HYCC1: variants seen among roughly 807,000 people sequenced by gnomAD.
HYCC1 encodes the protein hyccin.
the HYCC1 span, among the ~76,000 whole-genome samples, chr7:23,012,099 G>A: frequency 6.6e-6 from 1 of 152,098 alleles, no homozygotes; most frequent in African/African-American, 2.4e-5. Flanking sequence ...GCCTGGAAGA[G>A]TGAAAAAATA....
At chr7:22,921,089 T>C in the HYCC1 span, among the ~76,000 whole-genome samples, 1 of 152,234 alleles carries the variant, frequency 6.6e-6, no homozygotes, top group Non-Finnish European at 1.5e-5. Flanking sequence ...GTGAGCCAAT[T>C]AAACCTCTTG....
chr7:22,947,003 G>C, the HYCC1 span: 2 of 1,549,738 alleles, frequency 1.3e-6, no homozygotes, highest in Non-Finnish European at 1.7e-6. Context: ...TGCCAGGTGA[G>C]TTTATTCCAT....
the HYCC1 span, among the ~76,000 whole-genome samples, chr7:22,926,232 C>A: frequency 4.6e-5 from 7 of 152,054 alleles, no homozygotes; most frequent in African/African-American, 1.7e-4. Context: ...AAAAACATGC[C>A]AAATTGTAAA....
chr7:22,918,807 A>G, the HYCC1 span, among the ~76,000 whole-genome samples: 38,257 of 149,036 alleles, frequency 0.26, 5,003 homozygotes, highest in East Asian at 0.48. Context: ...AAACTGCCCC[A>G]CCCCTAACTC....
the HYCC1 span, among the ~76,000 whole-genome samples, chr7:22,926,926 G>C: frequency 2.6e-5 from 4 of 151,714 alleles, no homozygotes; most frequent in Admixed American, 6.6e-5. Context: ...TGACCACATA[G>C]TTGGAAGTAA....
At chr7:22,977,731 T>C in the HYCC1 span, among the ~76,000 whole-genome samples, 1 of 152,338 alleles carries the variant, frequency 6.6e-6, no homozygotes, top group African/African-American at 2.4e-5. Flanking sequence ...CATTTAAATA[T>C]GAAATATGTG....
chr7:22,911,673 G>A, the HYCC1 span, among the ~76,000 whole-genome samples: 13 of 152,110 alleles, frequency 8.5e-5, no homozygotes, highest in African/African-American at 1.4e-4. Context: ...CAGAAGAATC[G>A]CTTGAACCTG....
At chr7:22,963,574 T>G in the HYCC1 span, among the ~76,000 whole-genome samples, 3 of 152,150 alleles carry the variant, frequency 2.0e-5, no homozygotes, top group African/African-American at 7.2e-5. Flanking sequence ...GGGACAATAT[T>G]AATGGTCTAA....
the HYCC1 span, among the ~76,000 whole-genome samples, chr7:22,967,598 G>C: frequency 6.6e-6 from 1 of 152,128 alleles, no homozygotes; most frequent in Non-Finnish European, 1.5e-5. Flanking sequence ...TTGGTCTTCC[G>C]ATAACATCAC....
chr7:22,942,674 CCTT>C, the HYCC1 span: 1 of 152,106 alleles, frequency 6.6e-6, no homozygotes, highest in Non-Finnish European at 1.5e-5. Flanking sequence ...TGTGTGGAAT[CCTT>C]CTCATGATAA....
chr7:22,934,336 T>C, the HYCC1 span: 1 of 150,540 alleles, frequency 6.6e-6, no homozygotes, highest in East Asian at 2.0e-4. Context: ...GGATCTCTGC[T>C]CTCCCAAGTG....
the HYCC1 span, among the ~76,000 whole-genome samples, chr7:22,999,295 A>G: frequency 6.6e-6 from 1 of 152,212 alleles, no homozygotes; most frequent in African/African-American, 2.4e-5. Flanking sequence ...GCTTTCCAAA[A>G]TGTTTGCACC....
At chr7:22,947,888 T>C in the HYCC1 span, among the ~76,000 whole-genome samples, 1 of 152,142 alleles carries the variant, frequency 6.6e-6, no homozygotes, top group Admixed American at 6.6e-5. Flanking sequence ...TAAGTATTAA[T>C]GTGGCTGTGA....
At chr7:22,983,216 C>A in the HYCC1 span, among the ~76,000 whole-genome samples, 6 of 151,422 alleles carry the variant, frequency 4.0e-5, no homozygotes, top group Non-Finnish European at 8.8e-5. Flanking sequence ...GAAGTACCAG[C>A]TATTGGGGGT....
At chr7:22,920,236 A>G in the HYCC1 span, among the ~76,000 whole-genome samples, 3 of 152,158 alleles carry the variant, frequency 2.0e-5, no homozygotes, top group Non-Finnish European at 4.4e-5. Context: ...AGTCCCAGCT[A>G]CTTGAGAGGC....
At chr7:23,014,102 G>T in the HYCC1 span, 2 of 469,856 alleles carry the variant, frequency 4.3e-6, no homozygotes, top group Non-Finnish European at 4.4e-6. Flanking sequence ...AACCCAGCCG[G>T]GAGAGCCACC....
At chr7:22,928,628 A>C in the HYCC1 span, among the ~76,000 whole-genome samples, 1 of 152,152 alleles carries the variant, frequency 6.6e-6, no homozygotes, top group East Asian at 1.9e-4. Flanking sequence ...CCAACTTACA[A>C]GGGATGTGAA....
At chr7:22,905,232 A>G in the HYCC1 span, among the ~76,000 whole-genome samples, 1 of 151,618 alleles carries the variant, frequency 6.6e-6, no homozygotes, top group Non-Finnish European at 1.5e-5. Flanking sequence ...GTTGAAACAG[A>G]GTGTTGCTGT....
At chr7:22,922,236 G>C in the HYCC1 span, among the ~76,000 whole-genome samples, 1 of 151,946 alleles carries the variant, frequency 6.6e-6, no homozygotes, top group Admixed American at 6.6e-5. Context: ...ATAATATTAA[G>C]TGCAAATGAT....
Sources: gnomAD v4.1 joint callset for allele counts (sites outside exome capture counted in the v4.1 genomes callset) on GRCh38, gnomAD v4.1.1 for gene constraint, MANE v1.5 for transcripts, NCBI Gene and HGNC (gene_info 2026-07-23, HGNC 2026-07-21) for gene names.